ASS1: variants seen among roughly 807,000 people sequenced by gnomAD.
ASS1 encodes the protein argininosuccinate synthase 1.
ASS1 carries 58 observed loss-of-function variants against 60.5 expected under a neutral mutation model. The observed-to-expected ratio is 0.96, with a 90% CI of 0.78 to 1.19. The LOEUF is 1.19. Ranked by LOEUF, ASS1 falls within the 50% of genes most tolerant of loss-of-function variation. ASS1 has a pLI of 0.00. For synonymous variants in ASS1, 200 were observed against 206.9 expected (o/e 0.97, Z 0.29); for missense variants, 454 against 547.3 (o/e 0.83, Z 1.70).
At chr9:130,450,439 C>T (rs1051142587) in intron 1 of ASS1, 71 of 798,300 alleles carry the variant, frequency 8.9e-5, no homozygotes, top group Non-Finnish European at 1.1e-4. Flanking sequence ...CCTGCTGGCT[C>T]CAGGGTTAGG....
At chr9:130,444,930 C>CTTATA (rs1845159977), upstream of ASS1, 1 of 153,766 alleles carries the variant, frequency 6.5e-6, no homozygotes, top group Non-Finnish European at 1.4e-5. The surrounding 1 kb of genome is among the most constrained non-coding windows in gnomAD (Gnocchi z 4.7). Context: ...GGGCCCTGTG[C>CTTATA]TTATAACCTG....
chr9:130,446,551 G>T (rs1237319758), intron 1 of ASS1, among the ~76,000 whole-genome samples: 1 of 152,238 alleles, frequency 6.6e-6, no homozygotes, highest in Non-Finnish European at 1.5e-5. Flanking sequence ...TGCCTGCTGA[G>T]CGCCTGGCCG....
rs1349588443 is a variant in ASS1, at chr9:130,494,842, T to A, written c.971-25T>A. 6.2e-7 allele frequency: 1 copy of A among 1,613,108 alleles called. No homozygotes were observed. Among genetic ancestry groups the A allele is most frequent in the African/African-American group, 1.3e-5 (1 of 74,882 alleles). On this transcript the variant is annotated intron_variant, in intron 12 of 14. Coordinates refer to ENST00000352480, the MANE Select transcript of ASS1 (RefSeq NM_054012.4). This position sits in a 1 kb window ranked among gnomAD's most constrained non-coding sequence, Gnocchi z 4.3. ...CTCGCGGTGCAGGAGGCCTCCCTAGTGGTATCCTGTTTTCCTCCCTGTAGG... is the reference window on the plus strand; with the variant it reads ...CTCGCGGTGCAGGAGGCCTCCCTAGAGGTATCCTGTTTTCCTCCCTGTAGG...
At chr9:130,469,556 G>A (rs545541680) in intron 6 of ASS1, among the ~76,000 whole-genome samples, 36 of 152,118 alleles carry the variant, frequency 2.4e-4, no homozygotes, top group African/African-American at 7.0e-4. Flanking sequence ...GACTACAGGC[G>A]CCTGCCACCA....
Position 130,458,586 on chromosome 9 carries a change from A to G in ASS1, c.360A>G (p.Gly120=), listed in dbSNP as rs1845507086. 6.2e-7 allele frequency: 1 copy of G among 1,612,462 alleles called. No individual in the cohort carries two copies. The highest frequency in any genetic ancestry group is 1.3e-5 in the African/African-American group (1 of 75,040). Residue 120 remains glycine, a synonymous_variant, in exon 4 of 15, where the codon GGA becomes GGG. Transcript: ENST00000352480. The part of the protein sequence containing the change: ...GAKYVSHGAT[G]KGNDQVRFEL... ...AGTATGTGTCCCACGGCGCCACAGGAAAGGTGAGGCACCTGGGAAGGGCCG... is the reference window on the plus strand; with the variant it reads ...AGTATGTGTCCCACGGCGCCACAGGGAAGGTGAGGCACCTGGGAAGGGCCG...
rs1203821653 is a variant in ASS1 at position 130,472,431 on chromosome 9, G to A, written c.597+916G>A. ...ATATCACATGGCAGCCACCATGTCT[G>A]GGGAGCGGGCCGGGGGTGGCATTGT... On this transcript the variant is annotated intron_variant, in intron 8 of 14. Coordinates refer to ENST00000352480, the MANE Select transcript of ASS1 (RefSeq NM_054012.4). Among the ~76,000 whole-genome samples, 3 of 152,194 alleles carry A rather than the reference G, an allele frequency of 2.0e-5. No homozygotes were observed. The East Asian group carries it at 5.8e-4, about 29-fold the overall frequency.
chr9:130,446,832 C>A (rs1845207225), intron 1 of ASS1, among the ~76,000 whole-genome samples: 1 of 152,232 alleles, frequency 6.6e-6, no homozygotes, highest in African/African-American at 2.4e-5. Flanking sequence ...GGGCACCAGG[C>A]ACCCATGTGG....
intron 1 of ASS1, among the ~76,000 whole-genome samples, chr9:130,448,390 G>T (rs1025171549): frequency 6.7e-6 from 1 of 150,060 alleles, no homozygotes; most frequent in Admixed American, 6.7e-5. Context: ...TCTCAGGTAC[G>T]CACCCCTGGG....
chr9:130,467,353 C>G (rs1407308615), intron 6 of ASS1, among the ~76,000 whole-genome samples: 2 of 152,228 alleles, frequency 1.3e-5, no homozygotes. Context: ...AGTTTTGCAT[C>G]AAGATCCTTA....
chr9:130,476,954 CA>C lies in ASS1; in HGVS notation c.687del (p.Val231SerfsTer3). On this transcript the variant is annotated frameshift_variant, in exon 9 of 15. Coordinates refer to ENST00000352480, the MANE Select transcript of ASS1 (RefSeq NM_054012.4). LOFTEE classifies it high-confidence loss of function. This position sits in a 1 kb window ranked among gnomAD's most constrained non-coding sequence, Gnocchi z 4.9. Reference sequence around the variant, plus strand: ...CCCCTGACATTCTCGAGATCGAGTTCAAAAAAGGTATGTGCCCACCTGTTGG... The same window carrying C: ...CCCCTGACATTCTCGAGATCGAGTTCAAAAAGGTATGTGCCCACCTGTTGG... ...NTPDILEIEF[K>X]KGVPVKVTNV... 6.2e-7 allele frequency: 1 copy of C among 1,613,914 alleles called. No homozygotes were observed.
rs539575636 is a variant in ASS1, at chr9:130,488,201, C to G, written c.839-1132C>G. Among the ~76,000 whole-genome samples the G allele has an allele frequency of 6.6e-6, 1 of 152,130 alleles. No individual in the cohort carries two copies. Among genetic ancestry groups the G allele is most frequent in the African/African-American group, 2.4e-5 (1 of 41,516 alleles). On this transcript the variant is annotated intron_variant, in intron 11 of 14. Transcript: ENST00000352480. This position sits in a 1 kb window ranked among gnomAD's most constrained non-coding sequence, Gnocchi z 5.2. ...CTGCTATGAACATGAGTGTACAAAT[C>G]CTTTCTGGGTTTTTTTCAAGCAGCC...
intron 1 of ASS1, chr9:130,450,153 TG>T: frequency 1.9e-6 from 1 of 531,824 alleles, no homozygotes; most frequent in Non-Finnish European, 2.4e-6. Flanking sequence ...CTGGGGCTCC[TG>T]GACCTCCTCT....
chr9:130,464,144 T>C lies in ASS1; in HGVS notation c.397T>C (p.Tyr133His). 6.2e-7 allele frequency: 1 copy of C among 1,613,774 alleles called. No homozygotes were observed. Among genetic ancestry groups the C allele is most frequent in the Non-Finnish European group, 8.5e-7 (1 of 1,179,938 alleles). ...TCAGGTCCGGTTTGAGCTCAGCTGC[T>C]ACTCACTGGCCCCCCAGATAAAGGT... ...NDQVRFELSC[Y>H]SLAPQIKVIA... Residue 133 changes from tyrosine to histidine, a missense_variant, in exon 5 of 15, where the codon TAC becomes CAC. Tyr to His is a moderately conservative substitution (Grantham distance 83). Coordinates refer to ENST00000352480, the MANE Select transcript of ASS1 (RefSeq NM_054012.4).
rs62582568 is a variant in ASS1, at chr9:130,459,928, G to A, written c.363+1339G>A. Among the ~76,000 whole-genome samples, 13,992 of 152,282 alleles carry A rather than the reference G, an allele frequency of 0.092. 824 individuals are homozygous for A. The highest frequency in any genetic ancestry group is 0.12 in the South Asian group (591 of 4,820). Reference sequence around the variant, plus strand: ...GGAAGCCCCCTGCCTGCTGCTCTTCGGAAGGCAGTCCTTGAGAAACCAGAT... The same window carrying A: ...GGAAGCCCCCTGCCTGCTGCTCTTCAGAAGGCAGTCCTTGAGAAACCAGAT... On this transcript the variant is annotated intron_variant, in intron 4 of 14. Coordinates refer to ENST00000352480, the MANE Select transcript of ASS1 (RefSeq NM_054012.4). This position sits in a 1 kb window ranked among gnomAD's most constrained non-coding sequence, Gnocchi z 4.6.
chr9:130,500,687 GAACA>G, intron 14 of ASS1, among the ~76,000 whole-genome samples: 2 of 152,174 alleles, frequency 1.3e-5, no homozygotes, highest in South Asian at 2.1e-4. Context: ...AAATGGCCCA[GAACA>G]AACAGGGCTT....
At chr9:130,495,345 G>C (rs916763710) in intron 13 of ASS1, among the ~76,000 whole-genome samples, 2 of 151,842 alleles carry the variant, frequency 1.3e-5, no homozygotes, top group African/African-American at 4.8e-5. Context: ...CTACTCAGGA[G>C]GCCGAGGTGG....
Position 130,454,365 on chromosome 9 carries a change from G to A in ASS1, c.166G>A (p.Ala56Thr), listed in dbSNP as rs773150312. 2.5e-5 allele frequency: 40 copies of A among 1,613,606 alleles called. No individual in the cohort carries two copies. Among genetic ancestry groups the A allele is most frequent in the Non-Finnish European group, 3.4e-5 (40 of 1,179,864 alleles). Residue 56 changes from alanine to threonine, a missense_variant, in exon 3 of 15, where the codon GCC becomes ACC. Coordinates refer to ENST00000352480, the MANE Select transcript of ASS1 (RefSeq NM_054012.4). The part of the protein sequence containing the change: ...EARKKALKLG[A>T]KKVFIEDVSR... Reference sequence around the variant, plus strand: ...CAGGAAGAAGGCACTGAAGCTTGGGGCCAAAAAGGTACCAGGCGGGAGGCA... The same window carrying A: ...CAGGAAGAAGGCACTGAAGCTTGGGACCAAAAAGGTACCAGGCGGGAGGCA...
In ASS1 at chr9:130,501,120, C is replaced by G; in HGVS notation, c.*99C>G. 1 of 1,390,536 alleles carries G rather than the reference C, an allele frequency of 7.2e-7. No individual in the cohort carries two copies. Among genetic ancestry groups the G allele is most frequent in the South Asian group, 1.2e-5 (1 of 86,404 alleles). The allele number at this position is 1,390,536 out of a possible 1,614,324, so 86.1% of individuals were successfully genotyped here. A position where few individuals can be genotyped will look rare whatever the true frequency, so the allele number is the denominator to read the frequency against. On this transcript the variant is annotated 3_prime_UTR_variant, in exon 15 of 15. Transcript: ENST00000352480. ...AATTTGTAATTGTGACTTGTTCTCC[C>G]CGGCTGGCAGCGTAGTGGGGCTGCC... is the stretch of plus-strand genomic sequence containing the variant.
Position 130,489,546 on chromosome 9 carries a change from C to T in ASS1, c.970+82C>T, listed in dbSNP as rs909185740. The T allele has an allele frequency of 1.9e-6, 3 of 1,600,978 alleles. No homozygotes were observed. The highest frequency in any genetic ancestry group is 2.2e-5 in the East Asian group (1 of 44,792). Reference sequence around the variant, plus strand: ...CTATCAGGCTCTCGGGCCTGGCCCTCCCCTCCGTATCAGCACCTTCCTCCC... The same window carrying T: ...CTATCAGGCTCTCGGGCCTGGCCCTTCCCTCCGTATCAGCACCTTCCTCCC... On this transcript the variant is annotated intron_variant, in intron 12 of 14. Coordinates refer to ENST00000352480, the MANE Select transcript of ASS1 (RefSeq NM_054012.4). This position sits in a 1 kb window ranked among gnomAD's most constrained non-coding sequence, Gnocchi z 4.1.
Sources: gnomAD v4.1 joint callset for allele counts (sites outside exome capture counted in the v4.1 genomes callset) on GRCh38, gnomAD v4.1.1 for gene constraint, Gnocchi (gnomAD v3.1) non-coding constraint, MANE v1.5 for transcripts, NCBI Gene and HGNC (gene_info 2026-07-23, HGNC 2026-07-21) for gene names.